PIK3R1: variants seen among roughly 807,000 people sequenced by gnomAD.
PIK3R1 encodes the protein phosphoinositide-3-kinase regulatory subunit 1.
In PIK3R1, 29 loss-of-function variants were observed where a neutral mutation model predicts 98.0. The observed-to-expected ratio is 0.30, with a 90% CI of 0.22 to 0.40. PIK3R1 has a LOEUF of 0.40. PIK3R1 is among the 10% of genes least tolerant of loss of function. The probability of loss-of-function intolerance (pLI) is 1.00; values close to 1 mark genes in which losing one functional copy is unlikely to be tolerated. For synonymous variants in PIK3R1, 282 were observed against 311.8 expected (o/e 0.90, Z 1.01); for missense variants, 596 against 872.7 (o/e 0.68, Z 3.99).
At chr5:68,296,666 G>C (rs1459963272) in intron 15 of PIK3R1, among the ~76,000 whole-genome samples, 1 of 151,408 alleles carries the variant, frequency 6.6e-6, no homozygotes, top group Non-Finnish European at 1.5e-5. Flanking sequence ...TGCCTTTTTT[G>C]CCTCTCAAGG....
chr5:68,216,435 G>C (rs898905752), intron 1 of PIK3R1, among the ~76,000 whole-genome samples: 1 of 152,216 alleles, frequency 6.6e-6, no homozygotes, highest in African/African-American at 2.4e-5. Context: ...GTCGCTGCCC[G>C]GGCCCTTCCC....
At chr5:68,235,949 C>A (rs1469221883) in intron 2 of PIK3R1, among the ~76,000 whole-genome samples, 2 of 150,768 alleles carry the variant, frequency 1.3e-5, no homozygotes, top group East Asian at 3.9e-4. Flanking sequence ...CAGCTGACTG[C>A]AACCTCTGCC....
Position 68,301,463 on chromosome 5 carries a change from T to TAC in PIK3R1, c.*3863_*3864insCA, listed in dbSNP as rs1748091041. 1.5e-5 allele frequency: 2 copies of TAC among 137,542 alleles called. No homozygotes were observed. Among genetic ancestry groups the TAC allele is most frequent in the African/African-American group, 5.6e-5 (2 of 35,628 alleles). The allele number at this position is 137,542 out of a possible 1,614,324, so 8.5% of individuals were successfully genotyped here. On this transcript the variant is annotated 3_prime_UTR_variant, in exon 16 of 16. Coordinates refer to ENST00000521381, the MANE Select transcript of PIK3R1 (RefSeq NM_181523.3). ...GTGTATATATATATATATGTGTATATATATATGTATATACATATATGTATA... is the reference window on the plus strand; with the variant it reads ...GTGTATATATATATATATGTGTATATACATATATGTATATACATATATGTATA...
At chr5:68,292,196 TC>T in intron 7 of PIK3R1, 62 bp from the exon 8 acceptor site, 1 of 959,730 alleles carries the variant, frequency 1.0e-6, no homozygotes, top group Non-Finnish European at 1.6e-6. Context: ...AAAGTATTCA[TC>T]TAAAGAAATT....
chr5:68,297,564 CACTAGCCTACCCAGT>C lies in PIK3R1; in HGVS notation c.2140_2154del (p.Leu714_Val718del). 6.2e-7 allele frequency: 1 copy of C among 1,614,186 alleles called. No individual in the cohort carries two copies. ...CAGCACAACGACTCCCTCAATGTCA[CACTAGCCTACCCAGT>C]ATATGCACAGCAGAGGCGATGAAGC... is the stretch of plus-strand genomic sequence containing the variant. On this transcript the variant is annotated inframe_deletion, in exon 16 of 16. Transcript: ENST00000521381.
At chr5:68,273,885 T>A (rs964053889) in intron 3 of PIK3R1, 54 bp from the exon 4 acceptor site, 1 of 1,348,796 alleles carries the variant, frequency 7.4e-7, no homozygotes, top group Non-Finnish European at 1.1e-6. Context: ...CCTCACAGGT[T>A]CTCCAGAGAG....
chr5:68,263,021 A>G (rs200622766), intron 2 of PIK3R1, among the ~76,000 whole-genome samples: 5 of 27,138 alleles, frequency 1.8e-4, no homozygotes, highest in African/African-American at 6.3e-4. Context: ...ACATGTAGAT[A>G]CATGTAGATA....
intron 2 of PIK3R1, among the ~76,000 whole-genome samples, chr5:68,263,917 A>G (rs1339239984): frequency 6.6e-6 from 1 of 152,140 alleles, no homozygotes; most frequent in Non-Finnish European, 1.5e-5. Flanking sequence ...TTTGTTAAGC[A>G]TATTTTACTA....
chr5:68,295,130 C>A lies in PIK3R1; in HGVS notation c.1569-18C>A, dbSNP rs557466936. ...TGATGTACCCAGATAATAACAAATA[C>A]GTTTCTTTTGCCTGCAGGATTATGC... On this transcript the variant is annotated intron_variant, in intron 12 of 15. Transcript: ENST00000521381. 3.7e-6 allele frequency: 6 copies of A among 1,606,880 alleles called. No individual in the cohort carries two copies. The highest frequency in any genetic ancestry group is 1.7e-4 in the Middle Eastern group (1 of 6,022).
At chr5:68,278,799 G>T (rs979225300) in intron 4 of PIK3R1, among the ~76,000 whole-genome samples, 4 of 152,098 alleles carry the variant, frequency 2.6e-5, no homozygotes, top group African/African-American at 9.7e-5. Context: ...AATTAGCCAG[G>T]CGTGGTGGTA....
chr5:68,218,364 A>T (rs561596634), intron 1 of PIK3R1, among the ~76,000 whole-genome samples: 4 of 152,114 alleles, frequency 2.6e-5, no homozygotes, highest in African/African-American at 9.7e-5. Context: ...ACATTTTTCC[A>T]TGACTGTCAT....
chr5:68,267,393 T>A (rs1354671417), intron 2 of PIK3R1, among the ~76,000 whole-genome samples: 3 of 152,146 alleles, frequency 2.0e-5, no homozygotes, highest in Non-Finnish European at 4.4e-5. Context: ...GGACAGAGGA[T>A]CTCAATTCCC....
chr5:68,217,663 T>C (rs73768879), intron 1 of PIK3R1: 18,761 of 129,864 alleles, frequency 0.14, 1,667 homozygotes, highest in African/African-American at 0.29. Context: ...TGCGCGCGCG[T>C]GCCTGCGGCT....
At chr5:68,244,381 T>C (rs1396220292) in intron 2 of PIK3R1, among the ~76,000 whole-genome samples, 7 of 152,108 alleles carry the variant, frequency 4.6e-5, no homozygotes, top group African/African-American at 1.7e-4. Flanking sequence ...TATGGGTATT[T>C]TAATTAGAAA....
At chr5:68,286,321 T>C (rs753862725) in intron 7 of PIK3R1, among the ~76,000 whole-genome samples, 10 of 152,200 alleles carry the variant, frequency 6.6e-5, no homozygotes, top group Non-Finnish European at 1.2e-4. Flanking sequence ...ATAAAAGTTT[T>C]CCTACAACAC....
At position 68,299,137 on chromosome 5, in the gene PIK3R1, G is replaced by C. The variant is rs556305771; in HGVS notation, c.*1536G>C. The C allele has an allele frequency of 4.3e-6, 1 of 233,364 alleles. No homozygotes were observed. The highest frequency in any genetic ancestry group is 5.6e-5 in the Admixed American group (1 of 17,772). The allele number at this position is 233,364 out of a possible 1,614,324, so 14.5% of individuals were successfully genotyped here. A position where few individuals can be genotyped will look rare whatever the true frequency, so the allele number is the denominator to read the frequency against. On this transcript the variant is annotated 3_prime_UTR_variant, in exon 16 of 16. Coordinates refer to ENST00000521381, the MANE Select transcript of PIK3R1 (RefSeq NM_181523.3). ...TTTGTTTTTGGGTTCCTGGAACAGCGCTCACCTTTGTTTAGAACACTGGTT... is the reference window on the plus strand; with the variant it reads ...TTTGTTTTTGGGTTCCTGGAACAGCCCTCACCTTTGTTTAGAACACTGGTT...
At chr5:68,239,747 G>C (rs1182454415) in intron 2 of PIK3R1, among the ~76,000 whole-genome samples, 1 of 152,174 alleles carries the variant, frequency 6.6e-6, no homozygotes, top group Admixed American at 6.5e-5. Flanking sequence ...AGGCACCCCG[G>C]AGCCAAAGGC....
chr5:68,227,054 T>A (rs1744305748), intron 2 of PIK3R1, 45 bp downstream of exon 2: 4 of 1,514,398 alleles, frequency 2.6e-6, no homozygotes, highest in East Asian at 2.3e-5. Context: ...TTTCTTTTTC[T>A]TTTTAAGGAA....
intron 2 of PIK3R1, among the ~76,000 whole-genome samples, chr5:68,243,048 C>T (rs1441998362): frequency 2.0e-5 from 3 of 151,270 alleles, no homozygotes; most frequent in Non-Finnish European, 4.4e-5. Flanking sequence ...TAAGCAAGGC[C>T]TTAAAAAAAA....
Sources: gnomAD v4.1 joint callset for allele counts (sites outside exome capture counted in the v4.1 genomes callset) on GRCh38, gnomAD v4.1.1 for gene constraint, MANE v1.5 for transcripts, NCBI Gene and HGNC (gene_info 2026-07-23, HGNC 2026-07-21) for gene names.